The following SLC14A2 variants were observed in gnomAD, a reference collection of about 807,000 sequenced individuals.
The protein encoded by SLC14A2 is solute carrier family 14 member 2.
A neutral mutation model predicts 104.6 loss-of-function variants in SLC14A2; 91 were observed. The observed-to-expected ratio is 0.87, with a 90% confidence interval of 0.73 to 1.04. The LOEUF is 1.04. Among genes scored for constraint, SLC14A2 ranks in the 50% least tolerant of loss-of-function variants. SLC14A2 has a pLI of 0.00. For missense variants in SLC14A2, 1,189 were observed against 1,156.0 expected, an observed-to-expected ratio of 1.03 and a Z score of -0.41; for synonymous variants, 476 against 466.4, an observed-to-expected ratio of 1.02 and a Z score of -0.27.
intron 1 of SLC14A2, among the ~76,000 whole-genome samples, chr18:45,284,202 G>A (rs1353019224): frequency 6.6e-6 from 1 of 152,150 alleles, no homozygotes; most frequent in Non-Finnish European, 1.5e-5. Context: ...CTAACACACG[G>A]AACACTGTAG....
intron 1 of SLC14A2, among the ~76,000 whole-genome samples, chr18:45,353,345 G>T (rs981136652): frequency 6.6e-6 from 1 of 152,158 alleles, no homozygotes; most frequent in African/African-American, 2.4e-5. Flanking sequence ...TCATGACTAG[G>T]GATACAGGAA....
intron 1 of SLC14A2, among the ~76,000 whole-genome samples, chr18:45,457,687 T>TAA (rs3058359): frequency 4.2e-4 from 61 of 144,258 alleles, no homozygotes; most frequent in African/African-American, 1.5e-3. Flanking sequence ...TTATGGAGGT[T>TAA]AAAAAAAAAA....
intron 1 of SLC14A2, among the ~76,000 whole-genome samples, chr18:45,466,263 A>C (rs1271423457): frequency 2.0e-5 from 3 of 151,926 alleles, no homozygotes; most frequent in African/African-American, 7.3e-5. Flanking sequence ...ATGAGTACAG[A>C]GGGGTGTGGT....
At chr18:45,324,127 T>C (rs1422080684) in intron 1 of SLC14A2, among the ~76,000 whole-genome samples, 3 of 152,212 alleles carry the variant, frequency 2.0e-5, no homozygotes, top group Non-Finnish European at 4.4e-5. Flanking sequence ...GAACTTTCCA[T>C]GCCCCATATA....
chr18:45,208,495 G>A (rs1041527407), upstream of SLC14A2, among the ~76,000 whole-genome samples: 1 of 152,162 alleles, frequency 6.6e-6, no homozygotes, highest in Non-Finnish European at 1.5e-5. Flanking sequence ...ATAGGAACGT[G>A]CAATATGTTG....
At chr18:45,665,891 T>C (rs2046014609) in intron 11 of SLC14A2, among the ~76,000 whole-genome samples, 1 of 152,012 alleles carries the variant, frequency 6.6e-6, no homozygotes, top group African/African-American at 2.4e-5. Context: ...CCTAAATTCC[T>C]TGTAAAATGC....
At chr18:45,271,656 C>T (rs1568129487) in intron 1 of SLC14A2, among the ~76,000 whole-genome samples, 1 of 151,610 alleles carries the variant, frequency 6.6e-6, no homozygotes, top group Non-Finnish European at 1.5e-5. Context: ...AAAAGAACAC[C>T]AAAAAATGGA....
Position 45,584,008 on chromosome 18 carries a change from T to C in SLC14A2, c.-34-40623T>C, listed in dbSNP as rs191136292. On this transcript the variant is annotated intron_variant, in intron 2 of 20. Coordinates refer to the SLC14A2 transcript ENST00000586448. The stretch of plus-strand genomic sequence containing the variant: ...TAGCCCAATAGACCCAAAATATTTT[T>C]AAAATTATTACTGAGTTTACATTAT... Among the ~76,000 whole-genome samples the C allele has an allele frequency of 1.6e-4, 25 of 152,376 alleles. No individual in the cohort carries two copies. The East Asian group carries it at 3.9e-3, about 23-fold the overall frequency.
chr18:45,342,756 A>AAAGAT (rs1210724138), intron 1 of SLC14A2, among the ~76,000 whole-genome samples: 3 of 152,220 alleles, frequency 2.0e-5, no homozygotes, highest in African/African-American at 7.2e-5. Flanking sequence ...CTGAATATGG[A>AAAGAT]AAGATAATCA....
At chr18:45,485,942 T>A (rs2087596476) in intron 2 of SLC14A2, among the ~76,000 whole-genome samples, 1 of 152,136 alleles carries the variant, frequency 6.6e-6, no homozygotes, top group Non-Finnish European at 1.5e-5. Flanking sequence ...ACAAGTTTAA[T>A]TTAGACTCCA....
intron 2 of SLC14A2, among the ~76,000 whole-genome samples, chr18:45,552,162 A>C (rs2852269): frequency 0.23 from 35,327 of 152,022 alleles, 4,266 homozygotes; most frequent in African/African-American, 0.3. Flanking sequence ...GCGTTGAAAG[A>C]TACAAGGGAC....
intron 1 of SLC14A2, among the ~76,000 whole-genome samples, chr18:45,326,394 C>T (rs1452327522): frequency 2.0e-5 from 3 of 151,970 alleles, no homozygotes; most frequent in African/African-American, 7.2e-5. Flanking sequence ...AGGAGTATAC[C>T]ATTGAATGTG....
chr18:45,582,421 G>A (rs2044505921), intron 2 of SLC14A2, among the ~76,000 whole-genome samples: 1 of 152,084 alleles, frequency 6.6e-6, no homozygotes, highest in Admixed American at 6.5e-5. Flanking sequence ...AACATGTACA[G>A]ATAAGAAAGG....
chr18:45,338,241 C>A (rs1186858425), intron 1 of SLC14A2, among the ~76,000 whole-genome samples: 1 of 152,078 alleles, frequency 6.6e-6, no homozygotes, highest in East Asian at 1.9e-4. Context: ...TACTCTGTTA[C>A]CCAGGCTGGA....
intron 1 of SLC14A2, among the ~76,000 whole-genome samples, chr18:45,232,761 G>C (rs1378766192): frequency 1.3e-5 from 2 of 152,198 alleles, no homozygotes; most frequent in Admixed American, 1.3e-4. Context: ...AGCTCCTCCT[G>C]TGTAGCCAGC....
At position 45,363,402 on chromosome 18, in the gene SLC14A2, T is replaced by C. The variant is rs1291229700; in HGVS notation, c.-124-119831T>C. On this transcript the variant is annotated intron_variant, in intron 1 of 20. Transcript: ENST00000586448. Reference sequence around the variant, plus strand: ...AAAGAAAGCTGCTAATAAGTAGGTCTGTGAAAGGAGGGAGATCAGCACCTC... The same window carrying C: ...AAAGAAAGCTGCTAATAAGTAGGTCCGTGAAAGGAGGGAGATCAGCACCTC... Among the ~76,000 whole-genome samples the C allele has an allele frequency of 2.6e-5, 4 of 152,176 alleles. No homozygotes were observed. In the East Asian group the frequency reaches 7.7e-4, roughly 29 times the overall value.
At position 45,236,342 on chromosome 18, in the gene SLC14A2, T is replaced by C. The variant is rs568593669; in HGVS notation, c.-125+23151T>C. Among the ~76,000 whole-genome samples, 135 of 35,932 alleles carry C rather than the reference T, an allele frequency of 3.8e-3. 22 individuals carry two copies. Among genetic ancestry groups the C allele is most frequent in the African/African-American group, 0.026 (131 of 5,088 alleles). 23.6% of individuals were successfully genotyped at this position (35,932 alleles called of 152,430 possible). A position where few individuals can be genotyped will look rare whatever the true frequency, so the allele number is the denominator to read the frequency against. ...ATATACATGTATGTGTGTATATATG[T>C]GTATATATACATGTATGTGTGTATA... On this transcript the variant is annotated intron_variant, in intron 1 of 20. Transcript: ENST00000586448.
upstream of SLC14A2, among the ~76,000 whole-genome samples, chr18:45,613,468 A>T (rs1466063732): frequency 6.6e-6 from 1 of 152,156 alleles, no homozygotes; most frequent in East Asian, 1.9e-4. Flanking sequence ...GAGAGCTCGG[A>T]GGAAGATAGA....
chr18:45,616,406 A>T (rs2045073154), intron 1 of SLC14A2, among the ~76,000 whole-genome samples: 1 of 152,198 alleles, frequency 6.6e-6, no homozygotes, highest in Non-Finnish European at 1.5e-5. Flanking sequence ...ATTCCAGAAA[A>T]CTGTGCTTCT....
Sources: allele counts gnomAD v4.1 joint callset (sites outside exome capture counted in the v4.1 genomes callset), GRCh38; gene constraint gnomAD v4.1.1; transcripts MANE v1.5; gene names NCBI Gene and HGNC (gene_info 2026-07-23, HGNC 2026-07-21).